The following THSD7B variants were observed in gnomAD, a reference collection of about 807,000 sequenced individuals.
THSD7B encodes the protein thrombospondin type 1 domain containing 7B, also known as thrombospondin type-1 domain-containing protein 7B.
A neutral mutation model predicts 213.6 loss-of-function variants in THSD7B; 138 were observed. The observed-to-expected ratio is 0.65, with a 90% CI of 0.56 to 0.74. The LOEUF is 0.74. THSD7B is among the 30% of genes least tolerant of loss of function. THSD7B has a pLI of 0.00. For missense variants in THSD7B, 1,931 were observed against 1,991.5 expected, an observed-to-expected ratio of 0.97 and a Z score of 0.58; for synonymous variants, 742 against 687.0, an observed-to-expected ratio of 1.08 and a Z score of -1.25.
intron 10 of THSD7B, among the ~76,000 whole-genome samples, chr2:137,247,877 G>T (rs1205595670): frequency 6.6e-6 from 1 of 152,040 alleles, no homozygotes; most frequent in Non-Finnish European, 1.5e-5. Flanking sequence ...CTTTAAACTT[G>T]CTGTGTTTCA....
intron 2 of THSD7B, among the ~76,000 whole-genome samples, chr2:137,004,516 C>G (rs562937124): frequency 1.3e-5 from 2 of 152,100 alleles, no homozygotes; most frequent in African/African-American, 4.8e-5. Context: ...CAATGAAATA[C>G]AAAAATACAA....
chr2:136,776,039 C>A (rs1681596774), intron 1 of THSD7B, among the ~76,000 whole-genome samples: 1 of 152,064 alleles, frequency 6.6e-6, no homozygotes. Context: ...TTGGCCCAGT[C>A]AAGGTGCACA....
intron 7 of THSD7B, among the ~76,000 whole-genome samples, chr2:137,221,452 T>C (rs950317614): frequency 2.0e-5 from 3 of 152,128 alleles, no homozygotes; most frequent in African/African-American, 4.8e-5. Context: ...CATAGAACTA[T>C]ACAACTACAA....
intron 2 of THSD7B, among the ~76,000 whole-genome samples, chr2:137,055,382 T>C (rs2104875669): frequency 6.6e-6 from 1 of 152,282 alleles, no homozygotes; most frequent in Middle Eastern, 3.4e-3. Context: ...TTCACTATGG[T>C]TGAACTAATT....
intron 14 of THSD7B, among the ~76,000 whole-genome samples, chr2:137,427,309 AAAAAT>A (rs555481026): frequency 1.3e-4 from 20 of 152,218 alleles, no homozygotes; most frequent in African/African-American, 4.8e-4. Context: ...CCCCTTCCAA[AAAAAT>A]AAAATAAAAT....
chr2:137,085,693 A>C (rs1328531423), intron 3 of THSD7B, among the ~76,000 whole-genome samples: 1 of 152,160 alleles, frequency 6.6e-6, no homozygotes, highest in African/African-American at 2.4e-5. Context: ...AACACCATAC[A>C]TGAAAATGAA....
intron 9 of THSD7B, among the ~76,000 whole-genome samples, chr2:137,238,283 T>C (rs1479022178): frequency 3.9e-5 from 6 of 152,248 alleles, no homozygotes; most frequent in Admixed American, 1.3e-4. Flanking sequence ...ATGGGAACCC[T>C]TGTGACTCCT....
intron 20 of THSD7B, among the ~76,000 whole-genome samples, chr2:137,633,979 G>A (rs1172329977): frequency 6.6e-6 from 1 of 152,074 alleles, no homozygotes; most frequent in African/African-American, 2.4e-5. Flanking sequence ...GGTTTTGTTA[G>A]TATTCCTTTG....
intron 26 of THSD7B, 74 bp downstream of exon 26, chr2:137,663,649 G>C: frequency 1.5e-6 from 2 of 1,313,166 alleles, no homozygotes; most frequent in Non-Finnish European, 2.1e-6. Context: ...TCTCATGATG[G>C]AAAGAATGGA....
In THSD7B at chr2:137,507,153, G is replaced by A. The variant is rs141399285; in HGVS notation, c.3139-56068G>A. Among the ~76,000 whole-genome samples the A allele has an allele frequency of 9.5e-3, 1,452 of 152,216 alleles. 9 individuals are homozygous for A. The highest frequency in any genetic ancestry group is 0.023 in the South Asian group (111 of 4,820). On this transcript the variant is annotated intron_variant, in intron 15 of 27. Coordinates refer to ENST00000409968, the MANE Select transcript of THSD7B (RefSeq NM_001316349.2). ...AAATCTGGCCTGTTTGTCAACCCTCGTCTTACAATGACAGCTAGCAATGGG... is the reference window on the plus strand; with the variant it reads ...AAATCTGGCCTGTTTGTCAACCCTCATCTTACAATGACAGCTAGCAATGGG...
intron 5 of THSD7B, among the ~76,000 whole-genome samples, chr2:137,143,883 A>C (rs1679639928): frequency 6.6e-6 from 1 of 151,830 alleles, no homozygotes. Context: ...CAATCATCTG[A>C]ATTTTTTTGA....
chr2:137,113,159 A>G (rs1688381112), intron 4 of THSD7B, among the ~76,000 whole-genome samples: 1 of 152,082 alleles, frequency 6.6e-6, no homozygotes, highest in African/African-American at 2.4e-5. Context: ...TTGAAATGAG[A>G]TCTTGGTAAT....
chr2:137,611,695 C>T (rs1357534153), intron 17 of THSD7B, among the ~76,000 whole-genome samples: 1 of 152,030 alleles, frequency 6.6e-6, no homozygotes, highest in East Asian at 1.9e-4. Context: ...AGACTAACCT[C>T]ACCCACCTGC....
intron 12 of THSD7B, among the ~76,000 whole-genome samples, chr2:137,289,323 G>A (rs1280323399): frequency 6.6e-6 from 1 of 151,440 alleles, no homozygotes; most frequent in Non-Finnish European, 1.5e-5. Flanking sequence ...AGTAGAGTTA[G>A]TTTATTAAAG....
At chr2:136,882,493 T>G (rs1683643131) in intron 2 of THSD7B, among the ~76,000 whole-genome samples, 176 bp downstream of exon 2, 1 of 152,226 alleles carries the variant, frequency 6.6e-6, no homozygotes, top group Admixed American at 6.5e-5. Flanking sequence ...AATTGTCTTC[T>G]CCATCCATGA....
chr2:137,309,853 T>A (rs1449404260), intron 12 of THSD7B, among the ~76,000 whole-genome samples: 2 of 152,216 alleles, frequency 1.3e-5, no homozygotes, highest in Non-Finnish European at 2.9e-5. Context: ...TTTTTATGGC[T>A]GCATAGTATT....
chr2:137,646,627 A>G (rs993405405), intron 21 of THSD7B, among the ~76,000 whole-genome samples: 5 of 146,416 alleles, frequency 3.4e-5, no homozygotes, highest in Non-Finnish European at 7.6e-5. Flanking sequence ...ACTCCAGCTT[A>G]GGTAACAAAG....
intron 12 of THSD7B, among the ~76,000 whole-genome samples, chr2:137,312,014 G>A (rs1192693914): frequency 6.8e-6 from 1 of 147,964 alleles, no homozygotes; most frequent in Non-Finnish European, 1.5e-5. Context: ...GATGATGCTG[G>A]CCTCATAAAA....
chr2:137,377,952 T>A (rs1472520168), intron 12 of THSD7B, among the ~76,000 whole-genome samples: 1 of 152,174 alleles, frequency 6.6e-6, no homozygotes, highest in Admixed American at 6.5e-5. Context: ...GTGTACTATT[T>A]GATGACTTTT....
Sources: gnomAD v4.1 joint callset for allele counts (sites outside exome capture counted in the v4.1 genomes callset) on GRCh38, gnomAD v4.1.1 for gene constraint, MANE v1.5 for transcripts, NCBI Gene and HGNC (gene_info 2026-07-23, HGNC 2026-07-21) for gene names.